Variants in PMEL observed in about 807,000 individuals in gnomAD.
PMEL encodes premelanosome protein, also known as melanocyte protein PMEL.
PMEL carries 53 observed loss-of-function variants against 64.9 expected under a neutral mutation model. The observed-to-expected ratio is 0.82, with a 90% CI of 0.66 to 1.03. The LOEUF is 1.03. PMEL is among the 50% of genes least tolerant of loss of function. The probability of loss-of-function intolerance (pLI) is 0.00; values close to 1 mark genes in which losing one functional copy is unlikely to be tolerated. For synonymous variants in PMEL, 299 were observed against 316.2 expected (o/e 0.95, Z 0.58); for missense variants, 716 against 814.9 (o/e 0.88, Z 1.48).
intron 6 of PMEL, 127 bp downstream of exon 6, chr12:55,956,800 TGGAGGGCTTTATAGCCAGGCCA>T (rs1264370832): frequency 2.5e-5 from 19 of 773,484 alleles, no homozygotes; most frequent in Non-Finnish European, 3.9e-5. Context: ...TAAGAGAGAC[TGGAGGGCTTTATAGCCAGGCCA>T]GTGAGAACTC....
intron 1 of PMEL, among the ~76,000 whole-genome samples, chr12:55,962,401 A>C (rs1889134078): frequency 7.7e-6 from 1 of 130,538 alleles, no homozygotes; most frequent in Non-Finnish European, 1.6e-5. Flanking sequence ...TGAGATTCTG[A>C]GATTGCACCA....
At position 55,958,473 on chromosome 12, in the gene PMEL, C is replaced by T; in HGVS notation, c.469G>A (p.Gly157Ser). 6.2e-7 allele frequency: 1 copy of T among 1,613,634 alleles called. No individual in the cohort carries two copies. The highest frequency in any genetic ancestry group is 8.5e-7 in the Non-Finnish European group (1 of 1,179,792). The part of the protein sequence containing the change: ...RSFVYVWKTW[G>S]QYWQVLGGPV... ...ATAGGCTGAGAAGGGAGTCCCTCAC[C>T]CCAGGTCTTCCAGACATAAACAAAG... is the stretch of plus-strand genomic sequence containing the variant. The change falls in exon 4 of 11, where the codon GGC becomes AGC. Residue 157 changes from glycine (G) to serine (S), a missense_variant and splice_region_variant. By Grantham distance (56) the Gly-to-Ser change is moderately conservative (BLOSUM62 0). Coordinates refer to ENST00000548747, the MANE Select transcript of PMEL (RefSeq NM_001384361.1).
At position 55,958,686 on chromosome 12, in the gene PMEL, G is replaced by A. The variant is rs553238170; in HGVS notation, c.335-79C>T. 6 of 1,402,566 alleles carry A rather than the reference G, an allele frequency of 4.3e-6. No homozygotes were observed. In the South Asian group the frequency reaches 5.1e-5, roughly 12 times the overall value. The allele number at this position is 1,402,566 out of a possible 1,614,324, so 86.9% of individuals were successfully genotyped here. A position where few individuals can be genotyped will look rare whatever the true frequency, so the allele number is the denominator to read the frequency against. On this transcript the variant is annotated intron_variant, in intron 3 of 10. Transcript: ENST00000548747. ...CAAAACCCCTAAAATTGCTCCCAGGGTATCAGAGAGGGGCTCTGGGAATAT... is the reference window on the plus strand; with the variant it reads ...CAAAACCCCTAAAATTGCTCCCAGGATATCAGAGAGGGGCTCTGGGAATAT...
intron 2 of PMEL, 29 bp from the exon 3 acceptor site, chr12:55,961,492 C>T: frequency 1.9e-6 from 3 of 1,613,020 alleles, no homozygotes; most frequent in South Asian, 1.1e-5. Flanking sequence ...TTAGCTGGGA[C>T]TCCTGGGCTT....
chr12:55,956,839 G>A (rs1888901112), intron 6 of PMEL, 110 bp downstream of exon 6: 1 of 1,173,986 alleles, frequency 8.5e-7, no homozygotes, highest in Non-Finnish European at 1.2e-6. Flanking sequence ...ACTCTGAGGG[G>A]ACCATAGTGC....
chr12:55,963,352 G>C (rs1889176620), intron 1 of PMEL, among the ~76,000 whole-genome samples: 1 of 152,144 alleles, frequency 6.6e-6, no homozygotes, highest in African/African-American at 2.4e-5. Flanking sequence ...CCCCACCCAG[G>C]TCCAACAACT....
intron 10 of PMEL, among the ~76,000 whole-genome samples, chr12:55,954,591 CCTT>C (rs1365680920): frequency 6.6e-6 from 1 of 152,238 alleles, no homozygotes; most frequent in African/African-American, 2.4e-5. Context: ...GGGGATCTGC[CCTT>C]CTTGCAGGTA....
Position 55,957,003 on chromosome 12 carries a change from G to C in PMEL, c.1300C>G (p.Pro434Ala), listed in dbSNP as rs767577148. ...VETTARELPI[P>A]EPEGPDASSI... ...CTGGCATCTGGACCTTCAGGCTCAG[G>C]GATAGGTAGCTCTCTAGCTGTGGTC... Residue 434 changes from proline to alanine, a missense_variant, in exon 6 of 11, where the codon CCT becomes GCT. By Grantham distance (27) the Pro-to-Ala change is conservative. Coordinates refer to ENST00000548747, the MANE Select transcript of PMEL (RefSeq NM_001384361.1). 43 of 1,614,192 alleles carry C rather than the reference G, an allele frequency of 2.7e-5. 1 individual carries two copies. In the South Asian group the frequency reaches 4.7e-4, roughly 18 times the overall value.
In PMEL at chr12:55,958,545, G is replaced by A. The variant is rs751628041; in HGVS notation, c.397C>T (p.Pro133Ser). ...CCAGATGGGCAAGGTCCACCATCAGGGAAGATGCAGGCATCGTCAGTTTCC... is the reference window on the plus strand; with the variant it reads ...CCAGATGGGCAAGGTCCACCATCAGAGAAGATGCAGGCATCGTCAGTTTCC... ...PQETDDACIF[P>S]DGGPCPSGSW... The change falls in exon 4 of 11, where the codon CCT (proline) becomes TCT (serine). Residue 133 changes from proline (P) to serine (S), a missense_variant. By Grantham distance (74) the Pro-to-Ser change is moderately conservative. Transcript: ENST00000548747. 6.8e-6 allele frequency: 11 copies of A among 1,614,026 alleles called. No homozygotes were observed. Among genetic ancestry groups the A allele is most frequent in the Non-Finnish European group, 9.3e-6 (11 of 1,179,926 alleles).
chr12:55,965,816 T>C, intron 1 of PMEL, 120 bp downstream of exon 1: 1 of 1,262,558 alleles, frequency 7.9e-7, no homozygotes, highest in Non-Finnish European at 1.1e-6. Context: ...CCTCACTAAA[T>C]CAAATGAGTG....
chr12:55,957,826 G>C (rs1888950899), intron 5 of PMEL, 97 bp downstream of exon 5: 1 of 1,542,202 alleles, frequency 6.5e-7, no homozygotes, highest in Non-Finnish European at 8.8e-7. Context: ...TCTACTTTAA[G>C]TTTGCACAGC....
chr12:55,955,636 C>T lies in PMEL; in HGVS notation c.1590G>A (p.Ser530=), dbSNP rs370988492. The T allele has an allele frequency of 5.1e-5, 82 of 1,613,102 alleles. 2 individuals are homozygous for T. In the South Asian group the frequency reaches 5.9e-4, roughly 12 times the overall value. The change falls in exon 9 of 11, where the codon TCG becomes TCA. Residue 530 remains serine, a synonymous_variant. Transcript: ENST00000548747. ...LPKEACMEIS[S]PGCQPPAQRL... ...GCTGGGCAGGGGGCTGGCACCCTGG[C>T]GATGAGATCTCCATGCAGGCTTCCT... is the stretch of plus-strand genomic sequence containing the variant.
rs752504108 is a variant in PMEL, at chr12:55,957,257, G to A, written c.1046C>T (p.Thr349Ile). ...TTCAGTGGTTGGCACCTGCACAGATGTGGTTCCAGAGGGCTCTGCAGTTGG... is the reference window on the plus strand; with the variant it reads ...TTCAGTGGTTGGCACCTGCACAGATATGGTTCCAGAGGGCTCTGCAGTTGG... Reference protein sequence around the residue: ...QAPTAEPSGTTSVQVPTTEVI... With the variant: ...QAPTAEPSGTISVQVPTTEVI... The change falls in exon 6 of 11, where the codon ACA (threonine) becomes ATA (isoleucine). Residue 349 changes from threonine (T) to isoleucine (I), a missense_variant. By Grantham distance (89) the Thr-to-Ile change is moderately conservative (BLOSUM62 -1). Transcript: ENST00000548747. The A allele has an allele frequency of 4.3e-6, 7 of 1,614,006 alleles. No homozygotes were observed. In the Admixed American group the frequency reaches 5.0e-5, roughly 12 times the overall value.
At chr12:55,961,496 T>C (rs1889100745) in intron 2 of PMEL, 33 bp from the exon 3 acceptor site, 1 of 1,612,734 alleles carries the variant, frequency 6.2e-7, no homozygotes, top group Admixed American at 1.7e-5. Context: ...CTGGGACTCC[T>C]GGGCTTCCCC....
At position 55,955,666 on chromosome 12, in the gene PMEL, C is replaced by A; in HGVS notation, c.1560G>T (p.Leu520=). The change falls in exon 9 of 11, where the codon CTG becomes CTT. Residue 520 remains leucine, a synonymous_variant. Coordinates refer to ENST00000548747, the MANE Select transcript of PMEL (RefSeq NM_001384361.1). ...FELTVSCQGG[L]PKEACMEISS... ...AGATCTCCATGCAGGCTTCCTTGGG[C>A]AGCCTGGAAGAAGTGTCAGCATATA... The A allele has an allele frequency of 6.2e-7, 1 of 1,612,110 alleles. No individual in the cohort carries two copies. The highest frequency in any genetic ancestry group is 8.5e-7 in the Non-Finnish European group (1 of 1,178,748).
At position 55,957,249 on chromosome 12, in the gene PMEL, G is replaced by A. The variant is rs753925108; in HGVS notation, c.1054C>T (p.Gln352Ter). 1 of 1,614,012 alleles carries A rather than the reference G, an allele frequency of 6.2e-7. No homozygotes were observed. Among genetic ancestry groups the A allele is most frequent in the South Asian group, 1.1e-5 (1 of 91,078 alleles). Reference sequence around the variant, plus strand: ...CTTATGACTTCAGTGGTTGGCACCTGCACAGATGTGGTTCCAGAGGGCTCT... The same window carrying A: ...CTTATGACTTCAGTGGTTGGCACCTACACAGATGTGGTTCCAGAGGGCTCT... ...TAEPSGTTSV[Q>*]VPTTEVISTA... The change falls in exon 6 of 11, where the codon CAG becomes TAG. Residue 352 changes from glutamine (Q) to a stop codon, truncating the protein, a stop_gained. Transcript: ENST00000548747. LOFTEE classifies it high-confidence loss of function.
Position 55,957,354 on chromosome 12 carries a change from C to T in PMEL, c.949G>A (p.Ala317Thr). 6.3e-7 allele frequency: 1 copy of T among 1,596,050 alleles called. No individual in the cohort carries two copies. The highest frequency in any genetic ancestry group is 8.6e-7 in the Non-Finnish European group (1 of 1,169,516). ...CCAGCTGTGGTGTTAGGGGCCTCTG[C>T]AGTTGGCCTGTGCCCATCTGTGGTG... ...PGTTDGHRPT[A>T]EAPNTTAGQV... is the part of the protein sequence containing the mutation. The change falls in exon 6 of 11, where the codon GCA (alanine) becomes ACA (threonine). Residue 317 changes from alanine (A) to threonine (T), a missense_variant. Physicochemically the swap from Ala to Thr is moderately conservative, Grantham distance 58. Transcript: ENST00000548747.
intron 1 of PMEL, among the ~76,000 whole-genome samples, chr12:55,965,693 C>CA: frequency 6.6e-6 from 1 of 152,272 alleles, no homozygotes; most frequent in Non-Finnish European, 1.5e-5. Flanking sequence ...CCAAGGAAGC[C>CA]TCAGAATCAG....
At chr12:55,964,907 G>T (rs539127129) in intron 1 of PMEL, among the ~76,000 whole-genome samples, 1 of 148,696 alleles carries the variant, frequency 6.7e-6, no homozygotes, top group African/African-American at 2.5e-5. Flanking sequence ...ATGAGTTACT[G>T]TGCCGGGCCT....
Sources: gnomAD v4.1 joint callset for allele counts (sites outside exome capture counted in the v4.1 genomes callset) on GRCh38, gnomAD v4.1.1 for gene constraint, MANE v1.5 for transcripts, NCBI Gene and HGNC (gene_info 2026-07-23, HGNC 2026-07-21) for gene names.